C7: variants seen among roughly 807,000 people sequenced by gnomAD.
C7 encodes the protein complement C7, also known as complement component C7.
In C7, 83 loss-of-function variants were observed where a neutral mutation model predicts 104.8. That is an observed-to-expected ratio of 0.79 (90% CI 0.66 to 0.95). The LOEUF is 0.95. Among genes scored for constraint, C7 ranks in the 40% least tolerant of loss-of-function variants. C7 has a pLI of 0.00. For missense variants in C7, 1,070 were observed against 1,011.2 expected (o/e 1.06, Z -0.79); for synonymous variants, 415 against 360.6 (o/e 1.15, Z -1.71).
chr5:40,911,289 T>C (rs1486936953), intron 1 of C7, among the ~76,000 whole-genome samples: 3 of 152,248 alleles, frequency 2.0e-5, no homozygotes, highest in African/African-American at 7.2e-5. Context: ...AGAAATGGTT[T>C]CTATGTCAGA....
chr5:40,949,159 CA>C (rs1740111994), intron 8 of C7, among the ~76,000 whole-genome samples: 1 of 151,810 alleles, frequency 6.6e-6, no homozygotes. Context: ...TTAAATTTTT[CA>C]GTAAAAATTT....
intron 6 of C7, among the ~76,000 whole-genome samples, chr5:40,938,994 C>T (rs1210712480): frequency 6.6e-6 from 1 of 152,148 alleles, no homozygotes; most frequent in Non-Finnish European, 1.5e-5. Context: ...CTTTCTTGCT[C>T]TCGTCTTTCA....
At chr5:40,970,783 A>G (rs1184348854) in intron 14 of C7, among the ~76,000 whole-genome samples, 1 of 151,966 alleles carries the variant, frequency 6.6e-6, no homozygotes, top group Non-Finnish European at 1.5e-5. Flanking sequence ...GACAGGCCAC[A>G]GTGTGTGATG....
At chr5:40,913,445 A>G (rs1739253833) in intron 1 of C7, among the ~76,000 whole-genome samples, 3 of 152,074 alleles carry the variant, frequency 2.0e-5, no homozygotes, top group African/African-American at 4.8e-5. Flanking sequence ...GGGAATATAT[A>G]CTATTCCCTA....
At chr5:40,947,009 A>C (rs988964808) in intron 7 of C7, among the ~76,000 whole-genome samples, 11 of 151,810 alleles carry the variant, frequency 7.2e-5, no homozygotes, top group Admixed American at 7.2e-4. Flanking sequence ...CCCTGAATTA[A>C]TGCTTTGTTG....
At chr5:40,971,938 AC>A (rs1421752065) in intron 14 of C7, 3 of 401,102 alleles carry the variant, frequency 7.5e-6, no homozygotes, top group East Asian at 1.5e-4. Context: ...AGCCTGGGCA[AC>A]AAGACAGACC....
chr5:40,941,866 A>T (rs1739947006), intron 6 of C7, among the ~76,000 whole-genome samples: 1 of 152,204 alleles, frequency 6.6e-6, no homozygotes, highest in African/African-American at 2.4e-5. Flanking sequence ...ACATTTGGTG[A>T]TTATTGGTAT....
intron 1 of C7, among the ~76,000 whole-genome samples, chr5:40,922,748 A>G (rs1344995227): frequency 6.6e-6 from 1 of 152,092 alleles, no homozygotes; most frequent in Non-Finnish European, 1.5e-5. Context: ...CTCTGTAAGA[A>G]ATGGTTTTGG....
chr5:40,945,346 C>A lies in C7; in HGVS notation c.716C>A (p.Thr239Asn). 1 of 1,592,642 alleles carries A rather than the reference C, an allele frequency of 6.3e-7. No individual in the cohort carries two copies. Among genetic ancestry groups the A allele is most frequent in the Non-Finnish European group, 8.5e-7 (1 of 1,173,694 alleles). Reference protein sequence around the residue: ...SSSSRSYTSHTNEIHKGKSYQ... With the variant: ...SSSSRSYTSHNNEIHKGKSYQ... ...TCTTCACGCAGTTATACTTCACATA[C>A]CAATGAAATCCATAAAGGAAAGGTT... Residue 239 changes from threonine to asparagine, a missense_variant, in exon 7 of 18, where the codon ACC becomes AAC. Coordinates refer to ENST00000313164, the MANE Select transcript of C7 (RefSeq NM_000587.4).
intron 9 of C7, among the ~76,000 whole-genome samples, chr5:40,953,134 C>G (rs1322298367): frequency 1.3e-5 from 2 of 152,034 alleles, no homozygotes; most frequent in Non-Finnish European, 2.9e-5. Context: ...ATTGAAAACA[C>G]AGCTAACAAT....
chr5:40,951,589 C>G, intron 9 of C7, among the ~76,000 whole-genome samples: 1 of 152,124 alleles, frequency 6.6e-6, no homozygotes, highest in East Asian at 1.9e-4. Flanking sequence ...AGGTAACAAA[C>G]CTGAACATGT....
Position 40,981,538 on chromosome 5 carries a change from A to G in C7, c.2497A>G (p.Thr833Ala), listed in dbSNP as rs375805678. 1.4e-4 allele frequency: 218 copies of G among 1,613,678 alleles called. No individual in the cohort carries two copies. In the East Asian group the frequency reaches 4.0e-3, roughly 29 times the overall value. The change falls in exon 18 of 18, where the codon ACC (threonine) becomes GCC (alanine). Residue 833 changes from threonine to alanine, a missense_variant. Coordinates refer to ENST00000313164, the MANE Select transcript of C7 (RefSeq NM_000587.4). ...LRCRGQSISV[T>A]SIRPCAAETQ Reference sequence around the variant, plus strand: ...ATGCAGAGGGCAGAGCATCTCTGTCACCAGCATAAGGCCTTGTGCTGCGGA... The same window carrying G: ...ATGCAGAGGGCAGAGCATCTCTGTCGCCAGCATAAGGCCTTGTGCTGCGGA...
Position 40,950,117 on chromosome 5 carries a change from G to A in C7, c.1093+103G>A. 3 of 666,488 alleles carry A rather than the reference G, an allele frequency of 4.5e-6. No individual in the cohort carries two copies. In the South Asian group the frequency reaches 5.8e-5, roughly 13 times the overall value. 41.3% of individuals were successfully genotyped at this position (666,488 alleles called of 1,614,324 possible). ...AGTTATGTAGGTAAACTTGTGTCAT[G>A]GGGCTTTGTTGTACAGATTATTTTG... is the stretch of plus-strand genomic sequence containing the variant. On this transcript the variant is annotated intron_variant, in intron 9 of 17. Transcript: ENST00000313164.
intron 14 of C7, chr5:40,972,063 C>T: frequency 2.1e-6 from 1 of 476,516 alleles, no homozygotes; most frequent in Non-Finnish European, 4.1e-6. Flanking sequence ...TGGAACATCA[C>T]TAGAGCACAT....
At chr5:40,945,149 G>C in intron 6 of C7, 49 bp from the exon 7 acceptor site, 1 of 984,942 alleles carries the variant, frequency 1.0e-6, no homozygotes, top group Non-Finnish European at 1.5e-6. Context: ...GCATGATAAA[G>C]GATCCAGCAT....
In C7 at chr5:40,936,743, C is replaced by T. The variant is rs569149602; in HGVS notation, c.428+258C>T. 2.8e-4 allele frequency among the ~76,000 whole-genome samples: 42 copies of T among 152,114 alleles called. 1 individual carries two copies. The South Asian group carries it at 8.7e-3, about 32-fold the overall frequency. On this transcript the variant is annotated intron_variant, in intron 5 of 17. Coordinates refer to ENST00000313164, the MANE Select transcript of C7 (RefSeq NM_000587.4). ...CTGAAATTCTAATTCCAAGAAACCC[C>T]TCAGGCCCAGGGAAACCTGGACAGT...
In C7 at chr5:40,922,989, C is replaced by T. The variant is rs116017180; in HGVS notation, c.7-5591C>T. ...AATGGGCAAATGGGATTATATCAAG[C>T]TAAAAAGCTTCTACAAAGCAAACAA... On this transcript the variant is annotated intron_variant, in intron 1 of 17. Coordinates refer to ENST00000313164, the MANE Select transcript of C7 (RefSeq NM_000587.4). Among the ~76,000 whole-genome samples, 344 of 152,104 alleles carry T rather than the reference C, an allele frequency of 2.3e-3. 1 individual carries two copies. The highest frequency in any genetic ancestry group is 8.0e-3 in the African/African-American group (334 of 41,512).
chr5:40,950,020 T>C lies in C7; in HGVS notation c.1093+6T>C. The stretch of plus-strand genomic sequence containing the variant: ...CGCTTTAAAAGCTGCTTCAGGTAAA[T>C]GGAAAAAGAGCAGTTTGCATTGCAA... On this transcript the variant is annotated splice_donor_region_variant and intron_variant, in intron 9 of 17. Transcript: ENST00000313164. 4 of 1,537,674 alleles carry C rather than the reference T, an allele frequency of 2.6e-6. No individual in the cohort carries two copies. The highest frequency in any genetic ancestry group is 2.4e-5 in the South Asian group (2 of 82,952).
At chr5:40,939,780 C>T (rs1192116555) in intron 6 of C7, among the ~76,000 whole-genome samples, 1 of 152,136 alleles carries the variant, frequency 6.6e-6, no homozygotes, top group Non-Finnish European at 1.5e-5. Context: ...TTTCTGACTT[C>T]GTTGGAAGGT....
Sources: gnomAD v4.1 joint callset for allele counts (sites outside exome capture counted in the v4.1 genomes callset) on GRCh38, gnomAD v4.1.1 for gene constraint, MANE v1.5 for transcripts, NCBI Gene and HGNC (gene_info 2026-07-23, HGNC 2026-07-21) for gene names.